Variants in PVT1 observed in about 807,000 individuals in gnomAD.
PVT1 encodes the protein CXCR4/PVT1 fusion.
chr8:128,068,145 G>A lies in PVT1; in HGVS notation n.913-2015G>A, dbSNP rs183829451. Among the ~76,000 whole-genome samples the A allele has an allele frequency of 2.0e-4, 31 of 151,930 alleles. No homozygotes were observed. In the East Asian group the frequency reaches 4.9e-3, roughly 24 times the overall value. On this transcript the variant is annotated intron_variant and non_coding_transcript_variant, in intron 4 of 10. Transcript: ENST00000651587. Reference sequence around the variant, plus strand: ...TTACAGGGATGTGTCCTCAGTGGACGTGAGATTTTTTTTTTCTGTTTTGCA... The same window carrying A: ...TTACAGGGATGTGTCCTCAGTGGACATGAGATTTTTTTTTTCTGTTTTGCA...
At chr8:127,888,056 T>C (rs550171372) in intron 2 of PVT1, among the ~76,000 whole-genome samples, 152 of 142,730 alleles carry the variant, frequency 1.1e-3, no homozygotes, top group Non-Finnish European at 2.0e-3. Flanking sequence ...TTCTTCTGCC[T>C]TAGCCTCCTG....
chr8:127,874,526 T>C (rs1586416787), intron 2 of PVT1, among the ~76,000 whole-genome samples: 2 of 152,134 alleles, frequency 1.3e-5, no homozygotes, highest in South Asian at 4.2e-4. Flanking sequence ...ATATGGCTGG[T>C]GCTATGGTTT....
At chr8:127,926,283 G>T (rs150544087) in intron 3 of PVT1, among the ~76,000 whole-genome samples, 1 of 152,146 alleles carries the variant, frequency 6.6e-6, no homozygotes, top group African/African-American at 2.4e-5. Context: ...CCTGAGCATC[G>T]CACAGTCCCT....
intron 2 of PVT1, among the ~76,000 whole-genome samples, chr8:127,880,102 T>G (rs1007543755): frequency 2.0e-5 from 3 of 151,564 alleles, no homozygotes; most frequent in Admixed American, 1.3e-4. Flanking sequence ...GCAACCTGGT[T>G]ATCAACAAAT....
Position 127,976,193 on chromosome 8 carries a change from C to T in PVT1, n.783-12969C>T, listed in dbSNP as rs544130351. ...AGAATCTCAGAGTTAAAAGAAACCTCAGAGGTCATCTCTTCCAACCCTTCT... is the reference window on the plus strand; with the variant it reads ...AGAATCTCAGAGTTAAAAGAAACCTTAGAGGTCATCTCTTCCAACCCTTCT... On this transcript the variant is annotated intron_variant and non_coding_transcript_variant, in intron 3 of 10. Transcript: ENST00000651587. Among the ~76,000 whole-genome samples the T allele has an allele frequency of 9.2e-5, 14 of 152,298 alleles. No homozygotes were observed. In the South Asian group the frequency reaches 2.9e-3, roughly 32 times the overall value.
At chr8:127,957,697 C>G (rs762238552) in intron 3 of PVT1, among the ~76,000 whole-genome samples, 2 of 152,196 alleles carry the variant, frequency 1.3e-5, no homozygotes, top group Admixed American at 1.3e-4. Flanking sequence ...CCAAACAGCT[C>G]GTTCCTCTTC....
chr8:127,815,899 G>A (rs1814654239), intron 2 of PVT1, among the ~76,000 whole-genome samples: 1 of 152,174 alleles, frequency 6.6e-6, no homozygotes, highest in African/African-American at 2.4e-5. Flanking sequence ...GCCAAGGTGG[G>A]CAGATAATGA....
intron 2 of PVT1, among the ~76,000 whole-genome samples, chr8:127,869,563 T>C (rs1012274263): frequency 6.6e-6 from 1 of 152,094 alleles, no homozygotes; most frequent in African/African-American, 2.4e-5. Context: ...TGGTAGACAA[T>C]ACCAACTGTT....
chr8:127,861,916 C>A (rs1314337276), intron 2 of PVT1, among the ~76,000 whole-genome samples: 1 of 152,178 alleles, frequency 6.6e-6, no homozygotes, highest in Admixed American at 6.5e-5. Flanking sequence ...AAGGTATAAA[C>A]CTTTTCATGT....
At chr8:127,955,283 A>C (rs1816554970) in intron 3 of PVT1, among the ~76,000 whole-genome samples, 1 of 152,176 alleles carries the variant, frequency 6.6e-6, no homozygotes, top group Non-Finnish European at 1.5e-5. Context: ...GGAGACACCC[A>C]ACTGCCAACA....
At chr8:128,057,237 CT>C (rs1303441121) in intron 4 of PVT1, among the ~76,000 whole-genome samples, 1 of 151,952 alleles carries the variant, frequency 6.6e-6, no homozygotes, top group Non-Finnish European at 1.5e-5. Context: ...AGCATTAATA[CT>C]GTATACAAAC....
At chr8:128,047,136 A>G (rs1055978968) in intron 4 of PVT1, among the ~76,000 whole-genome samples, 31 of 152,230 alleles carry the variant, frequency 2.0e-4, no homozygotes, top group Non-Finnish European at 8.8e-5. Context: ...TGTGCAGTTG[A>G]CATTTGCTGT....
chr8:127,922,050 G>A (rs1432178206), intron 3 of PVT1, among the ~76,000 whole-genome samples: 1 of 151,102 alleles, frequency 6.6e-6, no homozygotes, highest in Admixed American at 6.6e-5. Flanking sequence ...TAGTAGAGAC[G>A]GTGTTTCACC....
At chr8:127,817,748 G>T (rs1289802070) in intron 2 of PVT1, among the ~76,000 whole-genome samples, 3 of 150,894 alleles carry the variant, frequency 2.0e-5, no homozygotes, top group Non-Finnish European at 4.4e-5. Flanking sequence ...AAAAAAATTA[G>T]CTGGGTGTGG....
chr8:127,940,904 C>T (rs920351260), intron 3 of PVT1, among the ~76,000 whole-genome samples: 9 of 152,186 alleles, frequency 5.9e-5, no homozygotes, highest in Middle Eastern at 3.2e-3. Flanking sequence ...GTCCGGCTCA[C>T]GTCCAGTTAT....
chr8:128,013,940 C>T (rs1431848364), intron 4 of PVT1, among the ~76,000 whole-genome samples: 2 of 152,152 alleles, frequency 1.3e-5, no homozygotes, highest in Non-Finnish European at 2.9e-5. Flanking sequence ...CCTGGAGTCA[C>T]AAAAGACCTT....
chr8:127,806,766 CAG>C (rs1370580949), intron 2 of PVT1, among the ~76,000 whole-genome samples: 1 of 152,182 alleles, frequency 6.6e-6, no homozygotes, highest in Non-Finnish European at 1.5e-5. Context: ...TTGCCTTTTT[CAG>C]AGTGTCCTAT....
chr8:128,067,250 C>T (rs1813921836), intron 4 of PVT1, among the ~76,000 whole-genome samples: 1 of 152,188 alleles, frequency 6.6e-6, no homozygotes, highest in Admixed American at 6.5e-5. Flanking sequence ...CTCACTGCAA[C>T]GTCTTGGTGA....
exon 3 of PVT1, chr8:127,890,699 T>G (rs915998778): frequency 6.6e-6 from 1 of 152,242 alleles, no homozygotes; most frequent in Non-Finnish European, 1.5e-5. Flanking sequence ...GGATTTACAG[T>G]GATCTTCAGT....
Sources: gnomAD v4.1 joint callset for allele counts (sites outside exome capture counted in the v4.1 genomes callset) on GRCh38, gnomAD v4.1.1 for gene constraint, MANE v1.5 for transcripts, NCBI Gene and HGNC (gene_info 2026-07-23, HGNC 2026-07-21) for gene names.